STT3A: variants seen among roughly 807,000 people sequenced by gnomAD.
The protein encoded by STT3A is dolichyl-diphosphooligosaccharide--protein glycosyltransferase subunit STT3A.
Under a neutral mutation model 89.2 loss-of-function variants are expected in STT3A, and 34 were observed. The ratio of observed to expected loss-of-function variants is 0.38; its 90% CI spans 0.29 to 0.51. The LOEUF (loss-of-function observed/expected upper bound fraction) is 0.51. Ranked by LOEUF, STT3A falls within the 20% of genes least tolerant of loss-of-function variation. The pLI is 0.89. For synonymous variants in STT3A, 282 were observed against 310.3 expected, an observed-to-expected ratio of 0.91 and a Z score of 0.96; for missense variants, 555 against 889.5, an observed-to-expected ratio of 0.62 and a Z score of 4.78.
rs142629496 is a variant in STT3A at position 125,602,330 on chromosome 11, C to T, written c.177C>T (p.Phe59=). The T allele has an allele frequency of 4.3e-4, 692 of 1,613,712 alleles. No individual in the cohort carries two copies. The highest frequency in any genetic ancestry group is 5.6e-4 in the Non-Finnish European group (658 of 1,179,902). ...DPYFNYRTTR[F]LAEEGFYKFH... ...ACTTTAATTATCGGACTACCAGGTT[C>T]CTGGCTGAGGAGGGGTTTTATAAAT... The change falls in exon 4 of 18, where the codon TTC becomes TTT. Residue 59 remains phenylalanine, a synonymous_variant. Coordinates refer to ENST00000392708, the MANE Select transcript of STT3A (RefSeq NM_152713.5).
rs754709120 is a variant in STT3A at position 125,618,518 on chromosome 11, C to G, written c.1920C>G (p.Tyr640Ter). 6.2e-7 allele frequency: 1 copy of G among 1,613,952 alleles called. No individual in the cohort carries two copies. Among genetic ancestry groups the G allele is most frequent in the Non-Finnish European group, 8.5e-7 (1 of 1,179,982 alleles). The change falls in exon 16 of 18, where the codon TAC becomes TAG. Residue 640 changes from tyrosine (Y) to a stop codon, truncating the protein, a stop_gained. Transcript: ENST00000392708. LOFTEE classifies it high-confidence loss of function. The stretch of plus-strand genomic sequence containing the variant: ...CAGTGCTGCTCAACTGCCTCATGTA[C>G]AAGATGTGTTACTATCGCTTTGGAC... ...GSPVLLNCLM[Y>*]KMCYYRFGQV...
chr11:125,594,741 T>A (rs1370886665), intron 1 of STT3A: 3 of 152,296 alleles, frequency 2.0e-5, no homozygotes, highest in Non-Finnish European at 2.9e-5. Flanking sequence ...TTTAATCTAC[T>A]TTTTTTAATC....
At chr11:125,592,567 C>T (rs1274268782), upstream of STT3A, 1 of 446,070 alleles carries the variant, frequency 2.2e-6, no homozygotes, top group Admixed American at 2.4e-5. Flanking sequence ...GGTCCGCAAA[C>T]CGACACGTCA....
chr11:125,600,794 A>G (rs978701585), intron 3 of STT3A, among the ~76,000 whole-genome samples: 2 of 151,786 alleles, frequency 1.3e-5, no homozygotes, highest in Admixed American at 6.6e-5. Flanking sequence ...GTATCTTTCT[A>G]TATTTTTTTT....
chr11:125,597,520 G>A (rs1305787564), intron 3 of STT3A, among the ~76,000 whole-genome samples: 1 of 151,996 alleles, frequency 6.6e-6, no homozygotes, highest in Non-Finnish European at 1.5e-5. Flanking sequence ...TATCACTTAA[G>A]ATCTGGCTAG....
upstream of STT3A, chr11:125,592,291 C>A: frequency 2.5e-6 from 1 of 406,960 alleles, no homozygotes. Context: ...CTCGAGTCAA[C>A]TATCAGGCAC....
intron 15 of STT3A, among the ~76,000 whole-genome samples, chr11:125,616,405 TG>T (rs2135944340): frequency 6.6e-6 from 1 of 152,364 alleles, no homozygotes; most frequent in Non-Finnish European, 1.5e-5. Flanking sequence ...TGCAGTCATC[TG>T]TTTTTTTGTT....
chr11:125,603,286 A>G (rs1342164294), intron 5 of STT3A: 2 of 190,942 alleles, frequency 1.0e-5, no homozygotes, highest in Non-Finnish European at 2.1e-5. Context: ...ACATTCCAAA[A>G]CGGTTAGTTT....
intron 16 of STT3A, 105 bp downstream of exon 16, chr11:125,618,666 C>T: frequency 8.9e-7 from 1 of 1,125,192 alleles, no homozygotes; most frequent in Non-Finnish European, 1.2e-6. Flanking sequence ...TGTCTGTTAA[C>T]TCATTTAATC....
At chr11:125,604,531 G>A (rs926391902) in intron 6 of STT3A, among the ~76,000 whole-genome samples, 3 of 152,056 alleles carry the variant, frequency 2.0e-5, no homozygotes, top group African/African-American at 7.2e-5. Context: ...CTACATAAAG[G>A]GAGTGGATGT....
chr11:125,597,967 A>G (rs1939544636), intron 3 of STT3A, among the ~76,000 whole-genome samples: 1 of 152,164 alleles, frequency 6.6e-6, no homozygotes, highest in South Asian at 2.1e-4. Context: ...TAATCCCAGC[A>G]CTGGGGGAGG....
chr11:125,620,084 G>C lies in STT3A; in HGVS notation c.2037G>C (p.Glu679Asp), dbSNP rs1310348986. Reference sequence around the variant, plus strand: ...AAGACTTTGAGCTTGATGTCCTGGAGGAAGCATATACCACAGAACATTGGC... The same window carrying C: ...AAGACTTTGAGCTTGATGTCCTGGACGAAGCATATACCACAGAACATTGGC... ...GNKDFELDVL[E>D]EAYTTEHWLV... Residue 679 changes from glutamate to aspartate, a missense_variant, in exon 17 of 18, where the codon GAG (glutamate) becomes GAC (aspartate). Physicochemically the swap from Glu to Asp is conservative, Grantham distance 45. This residue lies in a region of STT3A where 273 missense variants were observed against 449.8 expected (regional missense o/e 0.61). Coordinates refer to ENST00000392708, the MANE Select transcript of STT3A (RefSeq NM_152713.5). The C allele has an allele frequency of 6.2e-7, 1 of 1,613,998 alleles. No individual in the cohort carries two copies. Among genetic ancestry groups the C allele is most frequent in the African/African-American group, 1.3e-5 (1 of 74,916 alleles).
Position 125,602,702 on chromosome 11 carries a change from C to G in STT3A, c.272-101C>G, listed in dbSNP as rs1939722047. On this transcript the variant is annotated intron_variant, in intron 4 of 17. Transcript: ENST00000392708. ...TATGTTAGTATTTCTGGTGATTTGT[C>G]AAGACTTACATAGTCACTTTATTGT... 4 of 1,474,950 alleles carry G rather than the reference C, an allele frequency of 2.7e-6. No individual in the cohort carries two copies. The South Asian group carries it at 3.8e-5, about 14-fold the overall frequency. 91.4% of individuals were successfully genotyped at this position (1,474,950 alleles called of 1,614,324 possible).
chr11:125,606,576 T>G (rs1249005802), intron 8 of STT3A, 111 bp downstream of exon 8: 10 of 1,183,820 alleles, frequency 8.4e-6, no homozygotes, highest in African/African-American at 1.5e-5. Context: ...TCACAGCCTT[T>G]ATATTGAACT....
intron 9 of STT3A, among the ~76,000 whole-genome samples, chr11:125,608,714 A>G (rs1207157973): frequency 6.6e-6 from 1 of 152,016 alleles, no homozygotes; most frequent in Non-Finnish European, 1.5e-5. Context: ...ACAAAAGATT[A>G]TTTTTTTCTT....
chr11:125,608,861 A>G (rs567151303), intron 9 of STT3A, among the ~76,000 whole-genome samples: 1 of 152,180 alleles, frequency 6.6e-6, no homozygotes, highest in Non-Finnish European at 1.5e-5. Context: ...AAAGGACTAT[A>G]TCTTACCTTG....
chr11:125,614,265 C>T lies in STT3A; in HGVS notation c.1672-59C>T, dbSNP rs1940107172. On this transcript the variant is annotated intron_variant, in intron 14 of 17. Transcript: ENST00000392708. This position sits in a 1 kb window ranked among gnomAD's most constrained non-coding sequence, Gnocchi z 4.9. ...CAAGGTCTAATGGGAAATGTGTCTG[C>T]ATGAGGGGATCATATGACTTGGGAT... 2 of 1,611,644 alleles carry T rather than the reference C, an allele frequency of 1.2e-6. No individual in the cohort carries two copies. The highest frequency in any genetic ancestry group is 1.3e-5 in the African/African-American group (1 of 74,976).
In STT3A at chr11:125,606,369, C is replaced by T; in HGVS notation, c.684C>T (p.Leu228=). The change falls in exon 8 of 18, where the codon CTC becomes CTT. Residue 228 remains leucine (L), a synonymous_variant. Coordinates refer to ENST00000392708, the MANE Select transcript of STT3A (RefSeq NM_152713.5). ...CTCTCCACGTCCTCGTGCTGATGCT[C>T]ACAGGCCGTTTCTCTCACCGGATCT... ...LIPLHVLVLM[L]TGRFSHRIYV... 4 of 1,614,162 alleles carry T rather than the reference C, an allele frequency of 2.5e-6. No homozygotes were observed. Among genetic ancestry groups the T allele is most frequent in the Non-Finnish European group, 3.4e-6 (4 of 1,180,038 alleles).
Position 125,620,111 on chromosome 11 carries a change from G to A in STT3A, c.2064G>A (p.Leu688=). ...AAGCATATACCACAGAACATTGGCT[G>A]GTCAGGATATACAAGGTAAGCAGAT... is the stretch of plus-strand genomic sequence containing the variant. ...LEEAYTTEHW[L]VRIYKVKDLD... The change falls in exon 17 of 18, where the codon CTG becomes CTA. Residue 688 remains leucine (L), a synonymous_variant. Coordinates refer to ENST00000392708, the MANE Select transcript of STT3A (RefSeq NM_152713.5). 1.2e-6 allele frequency: 2 copies of A among 1,613,886 alleles called. No individual in the cohort carries two copies. The highest frequency in any genetic ancestry group is 1.7e-6 in the Non-Finnish European group (2 of 1,179,880).
Sources: gnomAD v4.1 joint callset for allele counts (sites outside exome capture counted in the v4.1 genomes callset) on GRCh38, gnomAD v4.1.1 for gene constraint, gnomAD v4.1.1 regional missense constraint, Gnocchi (gnomAD v3.1) non-coding constraint, MANE v1.5 for transcripts, NCBI Gene and HGNC (gene_info 2026-07-23, HGNC 2026-07-21) for gene names.